The following RTL4 variants were observed in gnomAD, a reference collection of about 807,000 sequenced individuals.
RTL4 encodes retrotransposon Gag like 4.
RTL4 carries 4 observed loss-of-function variants against 5.3 expected under a neutral mutation model. The observed-to-expected ratio is 0.75, with a 90% CI of 0.37 to 1.72. The LOEUF (loss-of-function observed/expected upper bound fraction) is 1.72, where lower values mean the gene tolerates loss of function less well. Among genes scored for constraint, RTL4 ranks in the 40% most tolerant of loss-of-function variants. The pLI is 0.04. For synonymous variants in RTL4, 98 were observed against 87.3 expected (o/e 1.12, Z -0.68); for missense variants, 260 against 227.1 (o/e 1.14, Z -0.93).
At chrX:112,405,181 C>T in the RTL4 span, among the ~76,000 whole-genome samples, 2,430 of 111,399 alleles carry the variant, frequency 0.022, 34 homozygotes, top group East Asian at 0.037. Context: ...GGGCCACACA[C>T]TCAAAAAAAG....
the RTL4 span, among the ~76,000 whole-genome samples, chrX:112,306,378 G>C: frequency 8.1e-5 from 9 of 111,435 alleles, no homozygotes; most frequent in South Asian, 3.4e-3. Context: ...ATGCATGCAG[G>C]GCTCCAGGAG....
At chrX:112,418,296 G>A in the RTL4 span, among the ~76,000 whole-genome samples, 3 of 111,711 alleles carry the variant, frequency 2.7e-5, no homozygotes, top group Admixed American at 9.5e-5. Context: ...AATAGGCATC[G>A]GACATAGATT....
At chrX:112,180,108 C>T in the RTL4 span, among the ~76,000 whole-genome samples, 2 of 111,141 alleles carry the variant, frequency 1.8e-5, no homozygotes, top group Non-Finnish European at 3.8e-5. Context: ...CTGTGGTTTG[C>T]ACTTATGATA....
the RTL4 span, among the ~76,000 whole-genome samples, chrX:112,172,870 C>T: frequency 9.0e-6 from 1 of 110,891 alleles, no homozygotes; most frequent in Non-Finnish European, 1.9e-5. Flanking sequence ...ATGGATAGAG[C>T]TGGAAGCCAT....
the RTL4 span, among the ~76,000 whole-genome samples, chrX:112,098,110 TC>T: frequency 4.3e-4 from 21 of 48,302 alleles, no homozygotes; most frequent in East Asian, 0.017. Context: ...CTCTCCCCCC[TC>T]CCCCCACCCC....
chrX:112,260,991 G>T, the RTL4 span, among the ~76,000 whole-genome samples: 9 of 111,641 alleles, frequency 8.1e-5, no homozygotes, highest in South Asian at 7.5e-4. Context: ...CATCCTTGAG[G>T]ATTTACAATT....
the RTL4 span, among the ~76,000 whole-genome samples, chrX:112,354,960 A>G: frequency 1.7e-3 from 193 of 110,908 alleles, no homozygotes; most frequent in African/African-American, 6.0e-3. Flanking sequence ...AATAATCAAC[A>G]CTTTCTATGT....
the RTL4 span, among the ~76,000 whole-genome samples, chrX:112,378,203 G>T: frequency 9.0e-6 from 1 of 111,259 alleles, no homozygotes; most frequent in Admixed American, 9.6e-5. Context: ...GGTAGTGGTA[G>T]TTATAGGGTA....
At chrX:112,091,423 T>A in the RTL4 span, among the ~76,000 whole-genome samples, 1 of 112,090 alleles carries the variant, frequency 8.9e-6, no homozygotes, top group Non-Finnish European at 1.9e-5. Context: ...CACATAAGTT[T>A]GGTAGATTGA....
At chrX:112,083,417 G>A in the RTL4 span, among the ~76,000 whole-genome samples, 19 of 112,677 alleles carry the variant, frequency 1.7e-4, no homozygotes, top group Non-Finnish European at 3.6e-4. Flanking sequence ...GAGTAAGGGC[G>A]GCGGGCGGCT....
chrX:112,251,006 A>G, the RTL4 span, among the ~76,000 whole-genome samples: 2 of 112,175 alleles, frequency 1.8e-5, no homozygotes, highest in East Asian at 5.6e-4. Context: ...TTATGAGAGT[A>G]ATAGCTACCA....
the RTL4 span, among the ~76,000 whole-genome samples, chrX:112,190,945 T>A: frequency 8.9e-6 from 1 of 112,033 alleles, no homozygotes; most frequent in Non-Finnish European, 1.9e-5. Context: ...GGGTCACAAT[T>A]TGACTTCCAC....
chrX:112,425,189 C>A, the RTL4 span, among the ~76,000 whole-genome samples: 175 of 111,163 alleles, frequency 1.6e-3, no homozygotes, highest in African/African-American at 5.5e-3. Flanking sequence ...ACAGTAATAA[C>A]CTTTTTAGAT....
chrX:112,086,436 G>T, the RTL4 span, among the ~76,000 whole-genome samples: 4 of 112,342 alleles, frequency 3.6e-5, no homozygotes, highest in African/African-American at 1.3e-4. Flanking sequence ...AAATACTGTG[G>T]AGTGTTGAAA....
chrX:112,381,478 G>T, the RTL4 span: 1 of 1,205,358 alleles, frequency 8.3e-7, no homozygotes. Flanking sequence ...ACCGAGAAAA[G>T]TTACTTGTCC....
chrX:112,167,341 G>A, the RTL4 span, among the ~76,000 whole-genome samples: 1 of 111,916 alleles, frequency 8.9e-6, no homozygotes, highest in South Asian at 3.7e-4. Context: ...AGCAAATTGT[G>A]TTGGTAGAAC....
chrX:112,189,061 T>C, the RTL4 span, among the ~76,000 whole-genome samples: 1 of 111,020 alleles, frequency 9.0e-6, no homozygotes, highest in Non-Finnish European at 1.9e-5. Context: ...TCAATCATAA[T>C]TTTGAAAGAC....
chrX:112,322,916 C>T, the RTL4 span, among the ~76,000 whole-genome samples: 5 of 111,651 alleles, frequency 4.5e-5, no homozygotes, highest in African/African-American at 9.8e-5. Context: ...ATTAGATGTA[C>T]TATAATTTAT....
chrX:112,230,332 T>TG, the RTL4 span, among the ~76,000 whole-genome samples: 1 of 112,532 alleles, frequency 8.9e-6, no homozygotes, highest in Non-Finnish European at 1.9e-5. Flanking sequence ...CTGAGCCATG[T>TG]GGGGGATATA....
Sources: allele counts gnomAD v4.1 joint callset (sites outside exome capture counted in the v4.1 genomes callset), GRCh38; gene constraint gnomAD v4.1.1; transcripts MANE v1.5; gene names NCBI Gene and HGNC (gene_info 2026-07-23, HGNC 2026-07-21).